The following MEF2C variants were observed in gnomAD, a reference collection of about 807,000 sequenced individuals.
MEF2C encodes myocyte enhancer factor 2C.
MEF2C carries 6 observed loss-of-function variants against 50.5 expected under a neutral mutation model. The ratio of observed to expected loss-of-function variants is 0.12; its 90% confidence interval spans 0.07 to 0.23. The LOEUF is 0.23. MEF2C is among the 10% of genes least tolerant of loss of function. MEF2C has a pLI of 1.00. For synonymous variants in MEF2C, 183 were observed against 228.0 expected (o/e 0.80, Z 1.78); for missense variants, 276 against 605.0 (o/e 0.46, Z 5.70).
chr5:88,797,306 C>G (rs1796389139), intron 3 of MEF2C, among the ~76,000 whole-genome samples: 1 of 152,044 alleles, frequency 6.6e-6, no homozygotes, highest in Non-Finnish European at 1.5e-5. Context: ...AATCTGGGTG[C>G]TCCTGTATTG....
At chr5:88,743,173 A>T in intron 6 of MEF2C, 1 of 924,056 alleles carries the variant, frequency 1.1e-6, no homozygotes, top group Non-Finnish European at 1.3e-6. Flanking sequence ...CTTTATACTA[A>T]CAATTAGTTT....
At chr5:88,776,500 C>T (rs1784818215) in intron 3 of MEF2C, among the ~76,000 whole-genome samples, 2 of 152,184 alleles carry the variant, frequency 1.3e-5, no homozygotes, top group Non-Finnish European at 2.9e-5. Context: ...CCTCATCAAC[C>T]TCTTCCAGCC....
intron 2 of MEF2C, among the ~76,000 whole-genome samples, chr5:88,822,418 A>T (rs183809606): frequency 4.9e-4 from 75 of 152,060 alleles, no homozygotes; most frequent in Non-Finnish European, 5.9e-5. Flanking sequence ...AACGATGTGC[A>T]TGAAAACACT....
chr5:88,780,975 T>C (rs1336625737), intron 3 of MEF2C: 36 of 982,932 alleles, frequency 3.7e-5, no homozygotes, highest in Non-Finnish European at 4.2e-5. Context: ...CAGAGTTCAC[T>C]AAGAGAACTT....
At chr5:88,851,577 C>T (rs1821381405) in intron 1 of MEF2C, among the ~76,000 whole-genome samples, 1 of 152,040 alleles carries the variant, frequency 6.6e-6, no homozygotes. Context: ...TATAAACAGC[C>T]TATCTGCTAG....
At chr5:88,750,675 T>C (rs1280641200) in intron 5 of MEF2C, among the ~76,000 whole-genome samples, 4 of 152,190 alleles carry the variant, frequency 2.6e-5, no homozygotes, top group African/African-American at 4.8e-5. Flanking sequence ...ATACGAAAAT[T>C]TTCAAATATA....
At chr5:88,863,423 G>T (rs1168184773) in intron 1 of MEF2C, among the ~76,000 whole-genome samples, 2 of 152,252 alleles carry the variant, frequency 1.3e-5, no homozygotes, top group East Asian at 3.8e-4. Context: ...TTTATTGGCA[G>T]AGCCAAAGGT....
intron 6 of MEF2C, chr5:88,735,678 T>C: frequency 1.0e-6 from 1 of 985,428 alleles, no homozygotes; most frequent in South Asian, 4.7e-5. Flanking sequence ...ACATAGAACT[T>C]GAATGTGGTG....
At chr5:88,764,827 A>AAAAGAAGT (rs1278351490) in intron 3 of MEF2C, among the ~76,000 whole-genome samples, 2 of 151,698 alleles carry the variant, frequency 1.3e-5, no homozygotes, top group African/African-American at 4.8e-5. Context: ...AAAAAAAAAA[A>AAAAGAAGT]AAAGAAGTAG....
chr5:88,727,263 T>G (rs1430608352), intron 10 of MEF2C, among the ~76,000 whole-genome samples: 2 of 152,176 alleles, frequency 1.3e-5, no homozygotes, highest in East Asian at 3.8e-4. Flanking sequence ...AAGTTAACTA[T>G]CTTTCAAGAA....
At chr5:88,772,710 T>A (rs1286210242) in intron 3 of MEF2C, 1 of 983,684 alleles carries the variant, frequency 1.0e-6, no homozygotes, top group Admixed American at 6.2e-5. Context: ...CTTTTTAAAA[T>A]TGATTTCTCC....
chr5:88,727,067 A>G (rs1038914649), intron 10 of MEF2C, among the ~76,000 whole-genome samples: 1 of 152,082 alleles, frequency 6.6e-6, no homozygotes, highest in African/African-American at 2.4e-5. Flanking sequence ...AGCAGTTGAT[A>G]CTTTGTACAA....
At chr5:88,757,541 T>C (rs1415058798) in intron 4 of MEF2C, among the ~76,000 whole-genome samples, 3 of 152,156 alleles carry the variant, frequency 2.0e-5, no homozygotes, top group African/African-American at 4.8e-5. Context: ...CTATTCCTCA[T>C]GATGTCTAAC....
At chr5:88,736,059 T>C (rs1763951215) in intron 6 of MEF2C, 2 of 985,416 alleles carry the variant, frequency 2.0e-6, no homozygotes, top group South Asian at 9.4e-5. Flanking sequence ...TACCAAACTG[T>C]CATCTTCTAT....
chr5:88,817,524 T>C (rs534753535), intron 2 of MEF2C, among the ~76,000 whole-genome samples: 78 of 152,088 alleles, frequency 5.1e-4, no homozygotes, highest in African/African-American at 1.9e-3. Flanking sequence ...GTAACAGCTA[T>C]GAACTCTGAA....
At position 88,717,327 on chromosome 5, in the gene MEF2C, T is replaced by A. The variant is rs1755092404; in HGVS notation, c.*5277A>T. 1 of 152,266 alleles carries A rather than the reference T, an allele frequency of 6.6e-6. No individual in the cohort carries two copies. The highest frequency in any genetic ancestry group is 1.5e-5 in the Non-Finnish European group (1 of 68,094). The allele number at this position is 152,266 out of a possible 1,614,324, so 9.4% of individuals were successfully genotyped here. A position where few individuals can be genotyped will look rare whatever the true frequency, so the allele number is the denominator to read the frequency against. On this transcript the variant is annotated 3_prime_UTR_variant, in exon 11 of 11. Transcript: ENST00000504921. ...TGCTGGGTGGATGAGGAAGTGTCCA[T>A]GCTCTGAGCCTCTGGTCTGCTCTGC...
chr5:88,818,621 A>AT (rs1457554106), intron 2 of MEF2C, among the ~76,000 whole-genome samples: 1 of 152,114 alleles, frequency 6.6e-6, no homozygotes, highest in East Asian at 1.9e-4. Context: ...CATCCTTGTC[A>AT]TAAATCCTCT....
chr5:88,801,630 G>A (rs2153051552), intron 3 of MEF2C, among the ~76,000 whole-genome samples: 1 of 151,990 alleles, frequency 6.6e-6, no homozygotes, highest in Non-Finnish European at 1.5e-5. Flanking sequence ...GGGACTACAG[G>A]CCCCCTCCAC....
At chr5:88,760,158 C>A (rs636631) in intron 4 of MEF2C, among the ~76,000 whole-genome samples, 111,091 of 152,206 alleles carry the variant, frequency 0.73, 41,207 homozygotes, top group East Asian at 0.92. Context: ...TCACCCCTTT[C>A]AGCCACAAAA....
Sources: allele counts gnomAD v4.1 joint callset (sites outside exome capture counted in the v4.1 genomes callset), GRCh38; gene constraint gnomAD v4.1.1; transcripts MANE v1.5; gene names NCBI Gene and HGNC (gene_info 2026-07-23, HGNC 2026-07-21).